Variants in CHST3 observed in about 807,000 individuals in gnomAD.
CHST3 encodes C6ST-1.
In CHST3, 20 loss-of-function variants were observed where a neutral mutation model predicts 35.4. The observed-to-expected ratio is 0.57, with a 90% CI of 0.40 to 0.82. The LOEUF (loss-of-function observed/expected upper bound fraction) is 0.82. CHST3 is among the 40% of genes least tolerant of loss of function. CHST3 has a pLI of 0.00. For synonymous variants in CHST3, 334 were observed against 295.9 expected (o/e 1.13, Z -1.32); for missense variants, 693 against 670.1 (o/e 1.03, Z -0.38).
chr10:71,973,660 A>G (rs1358701024), intron 1 of CHST3, among the ~76,000 whole-genome samples: 1 of 152,218 alleles, frequency 6.6e-6, no homozygotes, highest in East Asian at 1.9e-4. Flanking sequence ...AGATGGTGGG[A>G]TAACAGGAGG....
chr10:71,996,649 C>T (rs573888113), intron 1 of CHST3, among the ~76,000 whole-genome samples: 176 of 152,064 alleles, frequency 1.2e-3, no homozygotes, highest in African/African-American at 4.2e-3. Context: ...TTGTATGTGC[C>T]CAATATTCTG....
intron 1 of CHST3, among the ~76,000 whole-genome samples, chr10:71,995,270 C>A (rs990131425): frequency 4.0e-5 from 6 of 151,896 alleles, no homozygotes; most frequent in Non-Finnish European, 7.4e-5. Context: ...ACTAAAAATA[C>A]AAAAATTAGC....
chr10:71,975,757 G>C (rs1181390833), intron 1 of CHST3, among the ~76,000 whole-genome samples: 1 of 152,356 alleles, frequency 6.6e-6, no homozygotes, highest in East Asian at 1.9e-4. Flanking sequence ...GCCAGCCTTT[G>C]CAGCTGCTGC....
intron 1 of CHST3, among the ~76,000 whole-genome samples, chr10:72,000,592 AG>A (rs1454789366): frequency 6.6e-6 from 1 of 152,006 alleles, no homozygotes. Flanking sequence ...AGTGGCAGGA[AG>A]GGCCAGGGTG....
At position 71,998,663 on chromosome 10, in the gene CHST3, C is replaced by T. The variant is rs75124802; in HGVS notation, c.-107-7073C>T. Among the ~76,000 whole-genome samples the T allele has an allele frequency of 4.1e-3, 625 of 152,348 alleles. 2 individuals are homozygous for T. Among genetic ancestry groups the T allele is most frequent in the African/African-American group, 0.014 (588 of 41,576 alleles). ...AGAGTCTGTGGCAGCCCCACCCCTG[C>T]CAGGCTGGCCCTTAGCCCCAAGATC... is the stretch of plus-strand genomic sequence containing the variant. On this transcript the variant is annotated intron_variant, in intron 1 of 2. Coordinates refer to ENST00000373115, the MANE Select transcript of CHST3 (RefSeq NM_004273.5).
At position 72,003,641 on chromosome 10, in the gene CHST3, C is replaced by T. The variant is rs146707172; in HGVS notation, c.-107-2095C>T. ...ACTTGAACCCAGGAGGCGGAGATTGCAGTGAGCTGAGATTGCACCACTGCA... is the reference window on the plus strand; with the variant it reads ...ACTTGAACCCAGGAGGCGGAGATTGTAGTGAGCTGAGATTGCACCACTGCA... On this transcript the variant is annotated intron_variant, in intron 1 of 2. Transcript: ENST00000373115. Among the ~76,000 whole-genome samples the T allele has an allele frequency of 8.1e-3, 1,194 of 147,370 alleles. 20 individuals are homozygous for T. The highest frequency in any genetic ancestry group is 0.029 in the African/African-American group (1,141 of 39,596).
intron 1 of CHST3, among the ~76,000 whole-genome samples, chr10:71,985,240 C>A (rs1839837061): frequency 6.6e-6 from 1 of 152,246 alleles, no homozygotes; most frequent in Non-Finnish European, 1.5e-5. Context: ...AGCAGCACTG[C>A]TTGGGCACCA....
intron 1 of CHST3, among the ~76,000 whole-genome samples, chr10:71,985,856 A>G (rs758507760): frequency 6.6e-6 from 1 of 152,122 alleles, no homozygotes. Flanking sequence ...GTGCCCTTTT[A>G]TAACTACACT....
At chr10:71,989,988 G>A (rs12766209) in intron 1 of CHST3, among the ~76,000 whole-genome samples, 20,253 of 152,130 alleles carry the variant, frequency 0.13, 4,054 homozygotes, top group African/African-American at 0.44. Flanking sequence ...GCTGTTTTTT[G>A]TTTTGGTTTT....
chr10:71,979,994 A>C (rs1342161889), intron 1 of CHST3, among the ~76,000 whole-genome samples: 1 of 152,168 alleles, frequency 6.6e-6, no homozygotes, highest in Non-Finnish European at 1.5e-5. Context: ...TCTCACCTGA[A>C]ACAGTCCTTC....
intron 1 of CHST3, among the ~76,000 whole-genome samples, chr10:71,997,609 T>C (rs1654269124): frequency 6.6e-6 from 1 of 152,072 alleles, no homozygotes. Flanking sequence ...TACAGGTGTA[T>C]GGTTACCAAA....
At chr10:71,983,872 A>G (rs971170824) in intron 1 of CHST3, among the ~76,000 whole-genome samples, 4 of 152,260 alleles carry the variant, frequency 2.6e-5, no homozygotes, top group Admixed American at 2.6e-4. Flanking sequence ...CACTTCAGCT[A>G]TAACAGGAAA....
chr10:71,996,437 C>T (rs368601708), intron 1 of CHST3, among the ~76,000 whole-genome samples: 10 of 133,322 alleles, frequency 7.5e-5, no homozygotes, highest in South Asian at 4.8e-4. Context: ...CCCCCCCCAA[C>T]GTATGTGTCT....
rs1840111881 is a variant in CHST3, at chr10:72,011,676, T to C, written c.*3205T>C. 1 of 152,278 alleles carries C rather than the reference T, an allele frequency of 6.6e-6. No homozygotes were observed. Among genetic ancestry groups the C allele is most frequent in the African/African-American group, 2.4e-5 (1 of 41,466 alleles). 9.4% of individuals were successfully genotyped at this position (152,278 alleles called of 1,614,324 possible). A position where few individuals can be genotyped will look rare whatever the true frequency, so the allele number is the denominator to read the frequency against. ...CTAGCACAAGGGGACCATTCAGCAA[T>C]GAGTGTTTACTCATGTTCTTTCTTG... On this transcript the variant is annotated 3_prime_UTR_variant, in exon 3 of 3. Coordinates refer to ENST00000373115, the MANE Select transcript of CHST3 (RefSeq NM_004273.5).
At chr10:71,972,593 A>G (rs1839706078) in intron 1 of CHST3, among the ~76,000 whole-genome samples, 1 of 152,054 alleles carries the variant, frequency 6.6e-6, no homozygotes, top group Admixed American at 6.5e-5. Flanking sequence ...AGCAAGGGGG[A>G]GCTGGCAGAT....
chr10:72,006,163 G>T (rs1405205089), intron 2 of CHST3, among the ~76,000 whole-genome samples, 181 bp downstream of exon 2: 1 of 152,192 alleles, frequency 6.6e-6, no homozygotes, highest in Non-Finnish European at 1.5e-5. Flanking sequence ...ACAGGGGTGA[G>T]ACTTGGGCTC....
chr10:71,979,242 G>C (rs972854849), intron 1 of CHST3, among the ~76,000 whole-genome samples: 2 of 152,190 alleles, frequency 1.3e-5, no homozygotes, highest in African/African-American at 2.4e-5. Flanking sequence ...GTCGCTCAGC[G>C]TGTCTGGACC....
Position 72,008,316 on chromosome 10 carries a change from C to A in CHST3, c.1285C>A (p.Arg429Ser). ...CTCCTCGGAGCAGTTCGAGAAGTGG[C>A]GCTTCAGCATGCCCTTCAAGCTGGC... ...KNSSEQFEKW[R>S]FSMPFKLAQV... The change falls in exon 3 of 3, where the codon CGC becomes AGC. Residue 429 changes from arginine (R) to serine (S), a missense_variant. Transcript: ENST00000373115. The A allele has an allele frequency of 1.4e-5, 22 of 1,580,360 alleles. No individual in the cohort carries two copies. The highest frequency in any genetic ancestry group is 2.3e-5 in the East Asian group (1 of 43,076).
chr10:71,993,778 G>A (rs188475875), intron 1 of CHST3, among the ~76,000 whole-genome samples: 1 of 152,218 alleles, frequency 6.6e-6, no homozygotes, highest in Non-Finnish European at 1.5e-5. Flanking sequence ...GCAACATAGT[G>A]AGACATCTCT....
Sources: allele counts gnomAD v4.1 joint callset (sites outside exome capture counted in the v4.1 genomes callset), GRCh38; gene constraint gnomAD v4.1.1; transcripts MANE v1.5; gene names NCBI Gene and HGNC (gene_info 2026-07-23, HGNC 2026-07-21).